Variants in LAMA3 observed in about 807,000 individuals in gnomAD.
The protein encoded by LAMA3 is laminin subunit alpha 3, also known as laminin subunit alpha-3.
Under a neutral mutation model 402.0 loss-of-function variants are expected in LAMA3, and 281 were observed. The observed-to-expected ratio is 0.70, with a 90% CI of 0.63 to 0.77. The LOEUF is 0.77. LAMA3 is among the 30% of genes least tolerant of loss of function. The probability of loss-of-function intolerance (pLI) is 0.00; values close to 1 mark genes in which losing one functional copy is unlikely to be tolerated. For missense variants in LAMA3, 3,840 were observed against 4,215.5 expected (o/e 0.91, Z 2.47); for synonymous variants, 1,431 against 1,558.4 (o/e 0.92, Z 1.93).
intron 1 of LAMA3, among the ~76,000 whole-genome samples, chr18:23,695,110 A>G (rs1455447027): frequency 6.6e-6 from 1 of 152,194 alleles, no homozygotes; most frequent in Non-Finnish European, 1.5e-5. Flanking sequence ...CCCAATGCCC[A>G]GGACTGGACT....
intron 64 of LAMA3, 86 bp downstream of exon 64, chr18:23,928,851 G>C: frequency 7.8e-7 from 1 of 1,289,536 alleles, no homozygotes; most frequent in Non-Finnish European, 1.1e-6. Flanking sequence ...TTAGAAAGTG[G>C]TGGAGTTGTA....
intron 25 of LAMA3, among the ~76,000 whole-genome samples, chr18:23,838,022 A>G (rs931860695): frequency 6.6e-5 from 10 of 152,176 alleles, no homozygotes; most frequent in African/African-American, 2.2e-4. Flanking sequence ...CTGAATCTTC[A>G]TCATTTAAGG....
chr18:23,758,267 C>T, intron 6 of LAMA3, 129 bp from the exon 7 acceptor site: 1 of 723,876 alleles, frequency 1.4e-6, no homozygotes, highest in Non-Finnish European at 2.5e-6. Context: ...GTGTTGTGTT[C>T]TCCTAATTCC....
intron 12 of LAMA3, among the ~76,000 whole-genome samples, chr18:23,784,363 G>T (rs2062498471): frequency 1.3e-5 from 2 of 151,976 alleles, no homozygotes; most frequent in African/African-American, 2.4e-5. Flanking sequence ...CTCCCTGGTA[G>T]TTAAGCACAT....
chr18:23,755,215 A>T (rs1249594483), intron 6 of LAMA3, among the ~76,000 whole-genome samples: 14 of 152,196 alleles, frequency 9.2e-5, no homozygotes, highest in Non-Finnish European at 2.1e-4. Flanking sequence ...AAATACTGCC[A>T]TGTGGGAAAG....
Position 23,750,938 on chromosome 18 carries a change from C to G in LAMA3, c.705C>G (p.Asn235Lys). ...TTTAGGTTGTGGTGTCCTTGATAAACGGTCGTCCAGGTGCAAAAAATTTTA... is the reference window on the plus strand; with the variant it reads ...TTTAGGTTGTGGTGTCCTTGATAAAGGGTCGTCCAGGTGCAAAAAATTTTA... Reference protein sequence around the residue: ...ENGEVVVSLINGRPGAKNFTF... With the variant: ...ENGEVVVSLIKGRPGAKNFTF... Residue 235 changes from asparagine (N) to lysine (K), a missense_variant, in exon 5 of 75, where the codon AAC becomes AAG. Transcript: ENST00000313654. 1 of 1,614,046 alleles carries G rather than the reference C, an allele frequency of 6.2e-7. No homozygotes were observed. Among genetic ancestry groups the G allele is most frequent in the Non-Finnish European group, 8.5e-7 (1 of 1,179,998 alleles).
intron 74 of LAMA3, 24 bp from the exon 75 acceptor site, chr18:23,954,479 A>G (rs1310584894): frequency 6.2e-7 from 1 of 1,607,472 alleles, no homozygotes. Context: ...TATTTACTGA[A>G]TGCCTCTCCA....
At chr18:23,873,133 C>T (rs2064585541) in intron 38 of LAMA3, 1 of 1,614,220 alleles carries the variant, frequency 6.2e-7, no homozygotes, top group South Asian at 1.1e-5. Context: ...GGCTACAGTT[C>T]ACAGCAGCAA....
chr18:23,779,080 C>G (rs1276412283), intron 11 of LAMA3, among the ~76,000 whole-genome samples: 1 of 152,068 alleles, frequency 6.6e-6, no homozygotes, highest in African/African-American at 2.4e-5. Context: ...AAAAAGAGAC[C>G]AGGTGTGTGA....
At chr18:23,725,597 CTT>C (rs1397386800) in intron 2 of LAMA3, among the ~76,000 whole-genome samples, 2 of 152,194 alleles carry the variant, frequency 1.3e-5, no homozygotes, top group South Asian at 4.1e-4. Flanking sequence ...AGACCAAGCT[CTT>C]TGCCTGTCTA....
At chr18:23,767,481 C>G (rs1458715604) in intron 8 of LAMA3, among the ~76,000 whole-genome samples, 1 of 151,804 alleles carries the variant, frequency 6.6e-6, no homozygotes, top group East Asian at 1.9e-4. Context: ...ATACAGAACT[C>G]AAAAATAAAG....
intron 60 of LAMA3, among the ~76,000 whole-genome samples, chr18:23,917,873 A>G (rs1371646301): frequency 1.3e-5 from 2 of 151,990 alleles, no homozygotes; most frequent in Non-Finnish European, 2.9e-5. Flanking sequence ...CTCTTTAATT[A>G]GGTTCTATTT....
intron 11 of LAMA3, among the ~76,000 whole-genome samples, chr18:23,780,544 A>G (rs2062416666): frequency 6.6e-6 from 1 of 151,986 alleles, no homozygotes; most frequent in African/African-American, 2.4e-5. Context: ...GGATAGAGAG[A>G]GGAAGTTCAA....
intron 32 of LAMA3, among the ~76,000 whole-genome samples, chr18:23,856,795 A>C (rs1047204801): frequency 6.6e-6 from 1 of 150,970 alleles, no homozygotes; most frequent in Admixed American, 6.6e-5. Context: ...TCTTTCCTCT[A>C]CTCCTCATCC....
chr18:23,816,335 G>A (rs548963400), intron 17 of LAMA3, 53 bp from the exon 18 acceptor site: 17 of 1,399,508 alleles, frequency 1.2e-5, no homozygotes, highest in East Asian at 9.2e-5. Context: ...CAGGGGAGGC[G>A]CTCAGTGTGG....
intron 11 of LAMA3, among the ~76,000 whole-genome samples, chr18:23,782,347 G>A (rs2062453055): frequency 6.6e-6 from 1 of 152,082 alleles, no homozygotes; most frequent in Admixed American, 6.5e-5. Context: ...CCTGAGGTCG[G>A]GAGTTTGAGA....
intron 1 of LAMA3, among the ~76,000 whole-genome samples, chr18:23,712,560 G>A (rs192768927): frequency 1.3e-5 from 2 of 150,622 alleles, no homozygotes; most frequent in Admixed American, 1.3e-4. Flanking sequence ...TATGGCCTCC[G>A]ACCTCAGGAA....
intron 12 of LAMA3, among the ~76,000 whole-genome samples, chr18:23,791,523 G>C (rs534094959): frequency 6.6e-6 from 1 of 152,132 alleles, no homozygotes; most frequent in Non-Finnish European, 1.5e-5. Flanking sequence ...CTTGAGGTCA[G>C]GAGTTCAAGA....
intron 12 of LAMA3, among the ~76,000 whole-genome samples, chr18:23,798,292 G>A (rs558001224): frequency 6.6e-6 from 1 of 152,310 alleles, no homozygotes; most frequent in Non-Finnish European, 1.5e-5. Flanking sequence ...CGGAAGTGCA[G>A]CTTCCCCCAA....
Sources: gnomAD v4.1 joint callset for allele counts (sites outside exome capture counted in the v4.1 genomes callset) on GRCh38, gnomAD v4.1.1 for gene constraint, MANE v1.5 for transcripts, NCBI Gene and HGNC (gene_info 2026-07-23, HGNC 2026-07-21) for gene names.